PDE11A: variants seen among roughly 807,000 people sequenced by gnomAD.
The protein encoded by PDE11A is phosphodiesterase 11A.
A neutral mutation model predicts 100.5 loss-of-function variants in PDE11A; 100 were observed. The ratio of observed to expected loss-of-function variants is 1.00; its 90% CI spans 0.85 to 1.18. The LOEUF is 1.18. Among genes scored for constraint, PDE11A ranks in the 50% most tolerant of loss-of-function variants. The probability of loss-of-function intolerance (pLI) is 0.00; values close to 1 mark genes in which losing one functional copy is unlikely to be tolerated. For synonymous variants in PDE11A, 381 were observed against 420.8 expected (o/e 0.91, Z 1.16); for missense variants, 1,141 against 1,152.6 (o/e 0.99, Z 0.15).
chr2:177,859,152 C>T lies in PDE11A; in HGVS notation c.1367+16707G>A, dbSNP rs559974976. On this transcript the variant is annotated intron_variant, in intron 5 of 19. Coordinates refer to ENST00000286063, the MANE Select transcript of PDE11A (RefSeq NM_016953.4). Reference sequence around the variant, plus strand: ...AGGAGATATACCTAATGCTAAATGACGAGTTAATGGGTGCAGCACACCAAC... The same window carrying T: ...AGGAGATATACCTAATGCTAAATGATGAGTTAATGGGTGCAGCACACCAAC... 7.2e-3 allele frequency among the ~76,000 whole-genome samples: 1,092 copies of T among 151,840 alleles called. 12 individuals are homozygous for T. Among genetic ancestry groups the T allele is most frequent in the African/African-American group, 0.025 (1,048 of 41,378 alleles).
At chr2:177,674,298 A>G (rs2080733101) in intron 17 of PDE11A, among the ~76,000 whole-genome samples, 1 of 152,244 alleles carries the variant, frequency 6.6e-6, no homozygotes, top group Admixed American at 6.5e-5. Context: ...TTAGTGGCCA[A>G]AACGACAGGA....
At chr2:178,004,282 G>GA (rs200219768) in intron 2 of PDE11A, among the ~76,000 whole-genome samples, 8,452 of 151,276 alleles carry the variant, frequency 0.056, 292 homozygotes, top group South Asian at 0.094. Flanking sequence ...CAAAGAAAAG[G>GA]AAAAAAAATC....
chr2:178,022,905 A>G (rs890848682), intron 1 of PDE11A, among the ~76,000 whole-genome samples: 2 of 152,192 alleles, frequency 1.3e-5, no homozygotes, highest in African/African-American at 2.4e-5. Flanking sequence ...TTTATGTCAT[A>G]ATATTTTTTC....
chr2:177,724,806 G>GT lies in PDE11A; in HGVS notation c.2043+2851dup, dbSNP rs549236794. The stretch of plus-strand genomic sequence containing the variant: ...AGCACTTTCAAGGAAGGTGGGTAAG[G>GT]TTTTTTCCCCCTTTTCTGGAAACCA... On this transcript the variant is annotated intron_variant, in intron 12 of 19. Coordinates refer to ENST00000286063, the MANE Select transcript of PDE11A (RefSeq NM_016953.4). 3.2e-4 allele frequency among the ~76,000 whole-genome samples: 47 copies of GT among 147,718 alleles called. No individual in the cohort carries two copies. The Middle Eastern group carries it at 0.01, about 32-fold the overall frequency.
chr2:177,931,077 A>G (rs1163777012), intron 2 of PDE11A, among the ~76,000 whole-genome samples: 1 of 152,184 alleles, frequency 6.6e-6, no homozygotes, highest in East Asian at 1.9e-4. Context: ...ACTATGTTTT[A>G]AAATCTCCAC....
At chr2:178,096,249 C>T (rs1215743006) in intron 2 of PDE11A, among the ~76,000 whole-genome samples, 2 of 149,674 alleles carry the variant, frequency 1.3e-5, no homozygotes, top group South Asian at 2.1e-4. Flanking sequence ...CCGCAAGCCC[C>T]GCCTCCTGGG....
intron 2 of PDE11A, among the ~76,000 whole-genome samples, chr2:177,923,303 A>G (rs2085079068): frequency 6.6e-6 from 1 of 151,950 alleles, no homozygotes; most frequent in Admixed American, 6.6e-5. Context: ...TCAGGTTGCA[A>G]TGGGCTATGA....
At chr2:177,744,437 G>C (rs1328426418) in intron 10 of PDE11A, among the ~76,000 whole-genome samples, 29 of 152,026 alleles carry the variant, frequency 1.9e-4, no homozygotes, top group Non-Finnish European at 1.5e-5. Flanking sequence ...GCTCTGTGGA[G>C]GGCAGGAAGA....
chr2:178,095,382 C>A (rs2087474829), intron 2 of PDE11A, among the ~76,000 whole-genome samples: 1 of 152,182 alleles, frequency 6.6e-6, no homozygotes, highest in African/African-American at 2.4e-5. Flanking sequence ...TCTCCTTTGA[C>A]TTCATGTCTC....
At chr2:177,952,859 C>T (rs1559021620) in intron 2 of PDE11A, among the ~76,000 whole-genome samples, 1 of 152,132 alleles carries the variant, frequency 6.6e-6, no homozygotes, top group Non-Finnish European at 1.5e-5. Flanking sequence ...ATATGTGATT[C>T]CCTGACAGGC....
intron 19 of PDE11A, among the ~76,000 whole-genome samples, chr2:177,660,059 CTT>C (rs773993907): frequency 2.8e-4 from 3 of 10,692 alleles, no homozygotes; most frequent in Admixed American, 1.7e-3. Flanking sequence ...TTCTTTCTTT[CTT>C]TCTTTCTTTC....
At chr2:177,874,463 A>G (rs1047027022) in intron 5 of PDE11A, among the ~76,000 whole-genome samples, 8 of 152,094 alleles carry the variant, frequency 5.3e-5, no homozygotes, top group African/African-American at 1.7e-4. Flanking sequence ...TAATTTCACT[A>G]TTTTTTAACC....
In PDE11A at chr2:177,718,757, T is replaced by C. The variant is rs190100954; in HGVS notation, c.2044-6879A>G. On this transcript the variant is annotated intron_variant, in intron 12 of 19. Coordinates refer to ENST00000286063, the MANE Select transcript of PDE11A (RefSeq NM_016953.4). ...TGTCTAAAATTTCCATAAAGAACAT[T>C]TGTTTATAAGAACATCTATATTTAT... Among the ~76,000 whole-genome samples the C allele has an allele frequency of 2.7e-3, 412 of 152,360 alleles. 5 individuals are homozygous for C. The highest frequency in any genetic ancestry group is 9.3e-3 in the African/African-American group (385 of 41,592).
intron 9 of PDE11A, among the ~76,000 whole-genome samples, chr2:177,809,213 T>A (rs1335106209): frequency 6.6e-6 from 1 of 152,180 alleles, no homozygotes; most frequent in African/African-American, 2.4e-5. Context: ...AACGTGAATG[T>A]ACTTAGTACT....
intron 10 of PDE11A, among the ~76,000 whole-genome samples, chr2:177,753,413 A>G (rs1255476372): frequency 1.3e-5 from 2 of 152,028 alleles, no homozygotes; most frequent in East Asian, 1.9e-4. Flanking sequence ...ATTTTTCCCT[A>G]TGAATAGCCC....
intron 2 of PDE11A, among the ~76,000 whole-genome samples, chr2:178,098,932 A>G (rs534167395): frequency 2.6e-4 from 39 of 152,344 alleles, no homozygotes; most frequent in African/African-American, 8.9e-4. Flanking sequence ...ATTTCTTTAA[A>G]GGCCCAAGAA....
chr2:177,675,595 A>G, intron 16 of PDE11A, 77 bp from the exon 17 acceptor site: 2 of 1,030,176 alleles, frequency 1.9e-6, no homozygotes, highest in Non-Finnish European at 3.0e-6. Context: ...TAGATACATA[A>G]ATAAATAAAA....
In PDE11A at chr2:177,919,389, G is replaced by A. The variant is rs188492145; in HGVS notation, c.1072-14202C>T. Reference sequence around the variant, plus strand: ...TGGGATTACATATGTGAGCCACTGCGCCTGGCCAGAAGATTTGATATCTAT... The same window carrying A: ...TGGGATTACATATGTGAGCCACTGCACCTGGCCAGAAGATTTGATATCTAT... On this transcript the variant is annotated intron_variant, in intron 2 of 19. Coordinates refer to ENST00000286063, the MANE Select transcript of PDE11A (RefSeq NM_016953.4). 3.5e-4 allele frequency among the ~76,000 whole-genome samples: 54 copies of A among 152,206 alleles called. No individual in the cohort carries two copies. The East Asian group carries it at 8.5e-3, about 24-fold the overall frequency.
intron 9 of PDE11A, among the ~76,000 whole-genome samples, chr2:177,774,364 A>G (rs2082350998): frequency 6.6e-6 from 1 of 152,212 alleles, no homozygotes; most frequent in South Asian, 2.1e-4. Flanking sequence ...CTCCACTGGA[A>G]CAGCTCGTGT....
Sources: gnomAD v4.1 joint callset for allele counts (sites outside exome capture counted in the v4.1 genomes callset) on GRCh38, gnomAD v4.1.1 for gene constraint, MANE v1.5 for transcripts, NCBI Gene and HGNC (gene_info 2026-07-23, HGNC 2026-07-21) for gene names.